The following CHRNA7 variants were observed in gnomAD, a reference collection of about 807,000 sequenced individuals.
The protein encoded by CHRNA7 is neuronal acetylcholine receptor subunit alpha-7.
A neutral mutation model predicts 48.0 loss-of-function variants in CHRNA7; 17 were observed. The ratio of observed to expected loss-of-function variants is 0.35; its 90% confidence interval spans 0.24 to 0.53. CHRNA7 has a LOEUF of 0.53. Ranked by LOEUF, CHRNA7 falls within the 20% of genes least tolerant of loss-of-function variation. The pLI, the probability that CHRNA7 is intolerant of heterozygous loss-of-function variation, is 0.92. For synonymous variants in CHRNA7, 75 were observed against 242.3 expected (o/e 0.31, Z 6.41); for missense variants, 155 against 577.7 (o/e 0.27, Z 7.50).
At chr15:32,143,217 G>A (rs1356758759) in intron 4 of CHRNA7, among the ~76,000 whole-genome samples, 1 of 152,224 alleles carries the variant, frequency 6.6e-6, no homozygotes, top group Non-Finnish European at 1.5e-5. Context: ...CAGTTTCCAT[G>A]TAGTTGTGCA....
chr15:32,030,971 C>G lies in CHRNA7; in HGVS notation c.129C>G (p.Pro43=), dbSNP rs769072651. The change falls in exon 2 of 10, where the codon CCC becomes CCG. Residue 43 remains proline (P), a synonymous_variant. Transcript: ENST00000306901. ...AGAACTACAATCCCTTGGAGAGGCC[C>G]GTGGCCAATGACTCGCAACCACTCA... ...LVKNYNPLER[P]VANDSQPLTV... 6.2e-7 allele frequency: 1 copy of G among 1,614,210 alleles called. No individual in the cohort carries two copies. The highest frequency in any genetic ancestry group is 8.5e-7 in the Non-Finnish European group (1 of 1,180,028).
At chr15:32,066,380 C>T (rs1223519869) in intron 2 of CHRNA7, among the ~76,000 whole-genome samples, 1 of 151,808 alleles carries the variant, frequency 6.6e-6, no homozygotes, top group African/African-American at 2.4e-5. Flanking sequence ...CTCCTGGGTT[C>T]AAGCCATTCT....
intron 2 of CHRNA7, among the ~76,000 whole-genome samples, chr15:32,088,701 GTTTA>G (rs991676839): frequency 5.9e-5 from 9 of 152,034 alleles, no homozygotes; most frequent in Non-Finnish European, 1.2e-4. Flanking sequence ...CTTTTAATAT[GTTTA>G]TTTGTTATCT....
intron 4 of CHRNA7, among the ~76,000 whole-genome samples, chr15:32,118,572 G>A (rs1031543575): frequency 5.9e-5 from 9 of 152,292 alleles, no homozygotes; most frequent in African/African-American, 2.2e-4. Flanking sequence ...CATCTTCAAA[G>A]TCATCCTCCG....
chr15:32,058,497 T>C (rs2049824030), intron 2 of CHRNA7, among the ~76,000 whole-genome samples: 1 of 152,222 alleles, frequency 6.6e-6, no homozygotes, highest in Admixed American at 6.5e-5. Context: ...GGATTTCCAC[T>C]GGCTTCCTGG....
chr15:32,138,287 T>C (rs2141332172), intron 4 of CHRNA7, among the ~76,000 whole-genome samples: 1 of 152,298 alleles, frequency 6.6e-6, no homozygotes, highest in South Asian at 2.1e-4. Flanking sequence ...GACACAATTT[T>C]ATGCCAAAAT....
At chr15:32,083,359 A>G (rs916419461) in intron 2 of CHRNA7, among the ~76,000 whole-genome samples, 1 of 152,196 alleles carries the variant, frequency 6.6e-6, no homozygotes, top group African/African-American at 2.4e-5. Context: ...AAGAAGCCCC[A>G]TTGCCAGATG....
rs140987551 is a variant in CHRNA7, at chr15:32,072,646, G to T, written c.196-28657G>T. ...ACTGGTTTCTGAGGCCAGAGCTGAG[G>T]CACTGCTGCCCTGCACAGCCTTAGG... On this transcript the variant is annotated intron_variant, in intron 2 of 9. Coordinates refer to ENST00000306901, the MANE Select transcript of CHRNA7 (RefSeq NM_000746.6). 7.4e-4 allele frequency among the ~76,000 whole-genome samples: 113 copies of T among 152,298 alleles called. 1 individual carries two copies. In the East Asian group the frequency reaches 0.012, roughly 16 times the overall value.
chr15:32,102,656 C>T (rs1443335505), intron 3 of CHRNA7: 1 of 152,056 alleles, frequency 6.6e-6, no homozygotes, highest in Non-Finnish European at 1.5e-5. Context: ...TATATCTCTG[C>T]CCAAGATGAG....
chr15:32,044,836 A>G (rs2049511582), intron 2 of CHRNA7, among the ~76,000 whole-genome samples: 1 of 152,204 alleles, frequency 6.6e-6, no homozygotes, highest in African/African-American at 2.4e-5. Flanking sequence ...CTCCTCAAGA[A>G]AAAGAATTAT....
intron 4 of CHRNA7, among the ~76,000 whole-genome samples, chr15:32,127,965 C>CT (rs1287043503): frequency 6.6e-6 from 1 of 151,984 alleles, no homozygotes; most frequent in Admixed American, 6.6e-5. Flanking sequence ...TAAGTCTGTT[C>CT]TTTAAGTTGA....
At chr15:32,139,688 G>C (rs574549985) in intron 4 of CHRNA7, among the ~76,000 whole-genome samples, 1 of 151,676 alleles carries the variant, frequency 6.6e-6, no homozygotes, top group South Asian at 2.1e-4. Flanking sequence ...TAAGGTCTTT[G>C]GCCCATTATT....
At chr15:32,096,469 G>A (rs2050470773) in intron 2 of CHRNA7, among the ~76,000 whole-genome samples, 1 of 152,116 alleles carries the variant, frequency 6.6e-6, no homozygotes, top group Non-Finnish European at 1.5e-5. Flanking sequence ...AATATGGTTG[G>A]TGTAAAGATT....
chr15:32,044,235 AGATC>A (rs2049497648), intron 2 of CHRNA7, among the ~76,000 whole-genome samples: 1 of 112,310 alleles, frequency 8.9e-6, no homozygotes, highest in Admixed American at 9.5e-5. Flanking sequence ...AATTGTTGCC[AGATC>A]GATCGATCTT....
intron 2 of CHRNA7, among the ~76,000 whole-genome samples, chr15:32,031,409 C>T (rs1357680315): frequency 1.3e-5 from 2 of 152,172 alleles, no homozygotes; most frequent in African/African-American, 4.8e-5. Flanking sequence ...ACTTGCATTC[C>T]AGCATTGTCA....
Position 32,041,469 on chromosome 15 carries a change from C to T in CHRNA7, c.195+10432C>T, listed in dbSNP as rs139841078. 3.9e-3 allele frequency among the ~76,000 whole-genome samples: 592 copies of T among 152,324 alleles called. 4 individuals are homozygous for T. Among genetic ancestry groups the T allele is most frequent in the African/African-American group, 0.012 (519 of 41,574 alleles). ...TGTTCCTGTAAGAATGTCACGCTGCCGCTGATCTGACCGGAGGCGGAGCTC... is the reference window on the plus strand; with the variant it reads ...TGTTCCTGTAAGAATGTCACGCTGCTGCTGATCTGACCGGAGGCGGAGCTC... On this transcript the variant is annotated intron_variant, in intron 2 of 9. Coordinates refer to ENST00000306901, the MANE Select transcript of CHRNA7 (RefSeq NM_000746.6).
At chr15:32,120,729 C>T (rs12440000) in intron 4 of CHRNA7, among the ~76,000 whole-genome samples, 17,213 of 152,068 alleles carry the variant, frequency 0.11, 1,022 homozygotes, top group Middle Eastern at 0.15. Context: ...GGCCAGTCCA[C>T]GGAGCAGCTC....
intron 4 of CHRNA7, among the ~76,000 whole-genome samples, chr15:32,113,581 A>G (rs754569754): frequency 4.6e-5 from 7 of 152,170 alleles, no homozygotes; most frequent in Admixed American, 1.3e-4. Context: ...AAACGGGGAA[A>G]GTGCCGGCTT....
intron 2 of CHRNA7, among the ~76,000 whole-genome samples, chr15:32,095,413 AG>A (rs1412253316): frequency 6.6e-6 from 1 of 152,258 alleles, no homozygotes; most frequent in Non-Finnish European, 1.5e-5. Context: ...TTTAAAGTTC[AG>A]TAATTCACTT....
Sources: gnomAD v4.1 joint callset for allele counts (sites outside exome capture counted in the v4.1 genomes callset) on GRCh38, gnomAD v4.1.1 for gene constraint, MANE v1.5 for transcripts, NCBI Gene and HGNC (gene_info 2026-07-23, HGNC 2026-07-21) for gene names.